The following CSMD1 variants were observed in gnomAD, a reference collection of about 807,000 sequenced individuals.
The protein encoded by CSMD1 is CUB and Sushi multiple domains 1.
In CSMD1, 213 loss-of-function variants were observed where a neutral mutation model predicts 417.5. The observed-to-expected ratio is 0.51, with a 90% confidence interval of 0.46 to 0.57. The LOEUF (loss-of-function observed/expected upper bound fraction) is 0.57, where lower values mean the gene tolerates loss of function less well. CSMD1 is among the 20% of genes least tolerant of loss of function. The probability of loss-of-function intolerance (pLI) is 0.00; values close to 1 mark genes in which losing one functional copy is unlikely to be tolerated. For missense variants in CSMD1, 6,923 were observed against 4,529.7 expected (o/e 1.53, Z -15.17); for synonymous variants, 2,862 against 1,736.8 (o/e 1.65, Z -16.11).
intron 6 of CSMD1, among the ~76,000 whole-genome samples, chr8:3,722,913 T>TTGTG (rs33949649): frequency 1.3e-5 from 2 of 151,584 alleles, no homozygotes; most frequent in South Asian, 2.1e-4. Flanking sequence ...TAGCAAACTA[T>TTGTG]TGTGTGTGTG....
intron 26 of CSMD1, among the ~76,000 whole-genome samples, chr8:3,264,573 A>C (rs1801299012): frequency 6.6e-6 from 1 of 152,238 alleles, no homozygotes; most frequent in African/African-American, 2.4e-5. Context: ...TCTAGAACAG[A>C]GAATAAATAT....
At chr8:4,032,847 G>C (rs531051043) in intron 3 of CSMD1, among the ~76,000 whole-genome samples, 128 of 152,228 alleles carry the variant, frequency 8.4e-4, no homozygotes, top group South Asian at 7.0e-3. Context: ...CAGCCAGGGT[G>C]ATTCCAAAGT....
At chr8:4,016,548 G>C (rs1452141230) in intron 4 of CSMD1, among the ~76,000 whole-genome samples, 1 of 152,120 alleles carries the variant, frequency 6.6e-6, no homozygotes, top group Admixed American at 6.5e-5. Context: ...AAGGAAAGAG[G>C]AGAAAAGATG....
intron 26 of CSMD1, among the ~76,000 whole-genome samples, chr8:3,257,226 A>G (rs1800718538): frequency 6.6e-6 from 1 of 152,222 alleles, no homozygotes; most frequent in African/African-American, 2.4e-5. Context: ...CAGGAGGCTG[A>G]GGCAGGAGAA....
chr8:4,468,652 C>T (rs547557823), intron 2 of CSMD1, among the ~76,000 whole-genome samples: 164 of 152,286 alleles, frequency 1.1e-3, no homozygotes, highest in African/African-American at 3.8e-3. Context: ...TCCTACTAAA[C>T]CTAGGTAGAT....
chr8:4,146,593 C>CTTT (rs1208930261), intron 3 of CSMD1, among the ~76,000 whole-genome samples: 3,908 of 90,600 alleles, frequency 0.043, 1,054 homozygotes, highest in Non-Finnish European at 0.055. Flanking sequence ...TATATGGACA[C>CTTT]ATTTTTTTTT....
intron 2 of CSMD1, among the ~76,000 whole-genome samples, chr8:4,420,514 C>T (rs1797187959): frequency 6.6e-6 from 1 of 152,006 alleles, no homozygotes; most frequent in Non-Finnish European, 1.5e-5. Context: ...ATCTATTTTT[C>T]CTAATTCACT....
Position 3,803,724 on chromosome 8 carries a change from G to C in CSMD1, c.819-49682C>G, listed in dbSNP as rs1871822. ...GGAGTTTGGATTTTATTCAACTTCA[G>C]ATTGGAAGCCAGTGACGAATCTTGA... On this transcript the variant is annotated intron_variant, in intron 5 of 69. Coordinates refer to ENST00000635120, the MANE Select transcript of CSMD1 (RefSeq NM_033225.6). Among the ~76,000 whole-genome samples, 332 of 152,296 alleles carry C rather than the reference G, an allele frequency of 2.2e-3. 2 individuals carry two copies. Among genetic ancestry groups the C allele is most frequent in the African/African-American group, 7.8e-3 (325 of 41,582 alleles).
At chr8:4,422,098 A>G (rs959545022) in intron 2 of CSMD1, among the ~76,000 whole-genome samples, 1 of 152,124 alleles carries the variant, frequency 6.6e-6, no homozygotes, top group Non-Finnish European at 1.5e-5. Context: ...ACCAATGAAA[A>G]AATACATAAT....
chr8:4,051,641 A>G (rs911343788), intron 3 of CSMD1, among the ~76,000 whole-genome samples: 10 of 152,138 alleles, frequency 6.6e-5, no homozygotes, highest in African/African-American at 1.9e-4. Context: ...CTAGAAAACT[A>G]TGATAAAATG....
chr8:4,124,898 G>C (rs563006313), intron 3 of CSMD1, among the ~76,000 whole-genome samples: 1 of 152,174 alleles, frequency 6.6e-6, no homozygotes, highest in East Asian at 1.9e-4. Flanking sequence ...GGGGTTATAA[G>C]GAGATATAAG....
chr8:3,307,645 G>A (rs1222352999), intron 25 of CSMD1, 50 bp downstream of exon 25: 2 of 1,573,812 alleles, frequency 1.3e-6, no homozygotes, highest in East Asian at 2.3e-5. Flanking sequence ...TACAAGAATA[G>A]AAGGCATATC....
At chr8:3,503,842 CA>C (rs1203421506) in intron 10 of CSMD1, among the ~76,000 whole-genome samples, 10 of 150,032 alleles carry the variant, frequency 6.7e-5, no homozygotes, top group Non-Finnish European at 8.9e-5. Flanking sequence ...TGCCCCCCCC[CA>C]ACCCCCACAC....
intron 3 of CSMD1, among the ~76,000 whole-genome samples, chr8:4,236,731 G>C (rs17069679): frequency 4.6e-5 from 7 of 152,240 alleles, no homozygotes; most frequent in South Asian, 2.1e-4. Context: ...CTGTGCCTTC[G>C]AAGACTGCTG....
intron 2 of CSMD1, among the ~76,000 whole-genome samples, chr8:4,446,822 C>T (rs1220558747): frequency 3.6e-5 from 5 of 140,416 alleles, no homozygotes; most frequent in African/African-American, 5.3e-5. Flanking sequence ...AAGTTTTCTC[C>T]ATCTTGGCCA....
chr8:4,399,428 A>C (rs1804495143), intron 3 of CSMD1, among the ~76,000 whole-genome samples: 1 of 152,228 alleles, frequency 6.6e-6, no homozygotes, highest in Non-Finnish European at 1.5e-5. Flanking sequence ...CATATGTGAG[A>C]AATTGATGAG....
intron 3 of CSMD1, among the ~76,000 whole-genome samples, chr8:4,340,833 T>G (rs1014631491): frequency 6.6e-6 from 1 of 152,098 alleles, no homozygotes; most frequent in African/African-American, 2.4e-5. Flanking sequence ...AGAATCTCAA[T>G]TATTTGGTTG....
intron 3 of CSMD1, among the ~76,000 whole-genome samples, chr8:4,297,829 A>C (rs185281012): frequency 9.8e-5 from 15 of 152,318 alleles, no homozygotes; most frequent in Admixed American, 8.5e-4. Context: ...TTGATTTCTG[A>C]ATATGCCATT....
intron 3 of CSMD1, among the ~76,000 whole-genome samples, chr8:4,171,244 G>C (rs1402867644): frequency 2.0e-5 from 3 of 151,872 alleles, no homozygotes; most frequent in Non-Finnish European, 2.9e-5. Flanking sequence ...CCGTTCACTT[G>C]TCCATGCAGT....
Sources: allele counts gnomAD v4.1 joint callset (sites outside exome capture counted in the v4.1 genomes callset), GRCh38; gene constraint gnomAD v4.1.1; transcripts MANE v1.5; gene names NCBI Gene and HGNC (gene_info 2026-07-23, HGNC 2026-07-21).